KIAA0930: variants seen among roughly 807,000 people sequenced by gnomAD.
The protein encoded by KIAA0930 is KIAA0930.
A neutral mutation model predicts 43.9 loss-of-function variants in KIAA0930; 24 were observed. The observed-to-expected ratio is 0.55, with a 90% confidence interval of 0.40 to 0.77. The LOEUF (loss-of-function observed/expected upper bound fraction) is 0.77. Among genes scored for constraint, KIAA0930 ranks in the 30% least tolerant of loss-of-function variants. KIAA0930 has a pLI of 0.00. For synonymous variants in KIAA0930, 259 were observed against 216.4 expected (o/e 1.20, Z -1.73); for missense variants, 461 against 574.2 (o/e 0.80, Z 2.02).
chr22:45,204,954 T>C (rs2147740607), intron 5 of KIAA0930, among the ~76,000 whole-genome samples: 1 of 152,208 alleles, frequency 6.6e-6, no homozygotes, highest in Non-Finnish European at 1.5e-5. Flanking sequence ...TCAGGAGCCT[T>C]TTAGTCTTCA....
chr22:45,231,469 G>C (rs1476836843), intron 1 of KIAA0930, among the ~76,000 whole-genome samples: 1 of 152,102 alleles, frequency 6.6e-6, no homozygotes, highest in Admixed American at 6.5e-5. Flanking sequence ...CGATGTGTGT[G>C]AACAGGATAC....
intron 1 of KIAA0930, among the ~76,000 whole-genome samples, chr22:45,219,067 T>C (rs768144060): frequency 6.6e-6 from 1 of 152,198 alleles, no homozygotes; most frequent in South Asian, 2.1e-4. Context: ...TTTCGAGGCA[T>C]TTCACGTGAA....
intron 1 of KIAA0930, among the ~76,000 whole-genome samples, chr22:45,224,311 TAA>T (rs1223424052): frequency 6.6e-6 from 1 of 152,054 alleles, no homozygotes; most frequent in Non-Finnish European, 1.5e-5. Context: ...ATCCCGCAAA[TAA>T]AACAAAGACA....
chr22:45,225,901 G>A (rs939355107), intron 1 of KIAA0930, among the ~76,000 whole-genome samples: 3 of 152,244 alleles, frequency 2.0e-5, no homozygotes, highest in Admixed American at 6.5e-5. Flanking sequence ...CCGAGCGCCT[G>A]GTCTGCAGTC....
At chr22:45,213,560 C>T (rs2083712821) in intron 1 of KIAA0930, 2 of 1,101,750 alleles carry the variant, frequency 1.8e-6, no homozygotes, top group Admixed American at 3.8e-5. Flanking sequence ...ACAGGCAAAG[C>T]CCAAGTCACG....
chr22:45,205,302 G>T lies in KIAA0930; in HGVS notation c.431C>A (p.Pro144His). The T allele has an allele frequency of 6.2e-7, 1 of 1,613,976 alleles. No individual in the cohort carries two copies. The change falls in exon 5 of 10, where the codon CCC becomes CAC. Residue 144 changes from proline to histidine, a missense_variant. Pro to His is a moderately conservative substitution (Grantham distance 77). Transcript: ENST00000336156. ...KKKSQQVFAS[P>H]SKHPMDSKGE... The stretch of plus-strand genomic sequence containing the variant: ...CTTGCTGTCCATGGGGTGTTTACTG[G>T]GGGACGCGAACACTTGCTGGAAGAA...
chr22:45,197,549 T>C (rs1412714529), intron 9 of KIAA0930, among the ~76,000 whole-genome samples: 1 of 152,116 alleles, frequency 6.6e-6, no homozygotes, highest in Non-Finnish European at 1.5e-5. Context: ...TGGGCATCTG[T>C]GGCCACTCAA....
chr22:45,203,927 C>T lies in KIAA0930; in HGVS notation c.575G>A (p.Ser192Asn), dbSNP rs138154810. ...GEMVCVELVA[S>N]DKTNTFQGVI... ...CCCCTGGAACGTGTTGGTTTTGTCA[C>T]TAGCCACCAGCTCCACACAGACCAT... The change falls in exon 6 of 10, where the codon AGT becomes AAT. Residue 192 changes from serine to asparagine, a missense_variant. Coordinates refer to ENST00000336156, the MANE Select transcript of KIAA0930 (RefSeq NM_001009880.2). The T allele has an allele frequency of 3.4e-5, 55 of 1,614,136 alleles. No homozygotes were observed. Among genetic ancestry groups the T allele is most frequent in the Non-Finnish European group, 4.7e-5 (55 of 1,179,986 alleles).
intron 1 of KIAA0930, 65 bp downstream of exon 1, chr22:45,240,575 G>A (rs2083910762): frequency 2.6e-6 from 3 of 1,140,466 alleles, no homozygotes; most frequent in Non-Finnish European, 3.8e-6. Context: ...AAACACGGAC[G>A]CGCAGAGGCG....
At chr22:45,231,419 T>A (rs1225435655) in intron 1 of KIAA0930, among the ~76,000 whole-genome samples, 3 of 150,862 alleles carry the variant, frequency 2.0e-5, no homozygotes, top group African/African-American at 7.3e-5. Context: ...ACATTGGCAG[T>A]GGGGCCTGAA....
chr22:45,208,172 C>A (rs898073564), intron 2 of KIAA0930, among the ~76,000 whole-genome samples: 1 of 152,200 alleles, frequency 6.6e-6, no homozygotes, highest in Non-Finnish European at 1.5e-5. Context: ...ATGGTACACT[C>A]TGCAGGCATT....
intron 1 of KIAA0930, among the ~76,000 whole-genome samples, chr22:45,219,940 A>C (rs1486056461): frequency 2.6e-5 from 4 of 152,150 alleles, no homozygotes; most frequent in Non-Finnish European, 5.9e-5. Flanking sequence ...GGAAACAGAC[A>C]GCTAGCTTCA....
intron 1 of KIAA0930, among the ~76,000 whole-genome samples, chr22:45,221,109 G>T (rs1476511110): frequency 6.6e-6 from 1 of 152,124 alleles, no homozygotes; most frequent in African/African-American, 2.4e-5. Context: ...TCTCAGACAG[G>T]CCTTCTCAAA....
chr22:45,215,428 G>C (rs959418795), intron 1 of KIAA0930, among the ~76,000 whole-genome samples: 2 of 152,148 alleles, frequency 1.3e-5, no homozygotes, highest in South Asian at 2.1e-4. Context: ...GCATCTACCT[G>C]ACGGCAGAGT....
intron 1 of KIAA0930, among the ~76,000 whole-genome samples, chr22:45,220,489 A>C (rs867971477): frequency 6.6e-6 from 1 of 152,152 alleles, no homozygotes; most frequent in Non-Finnish European, 1.5e-5. Context: ...ATATATTCAT[A>C]TCTATTTAGA....
chr22:45,216,573 G>T (rs1377301666), intron 1 of KIAA0930, among the ~76,000 whole-genome samples: 1 of 152,156 alleles, frequency 6.6e-6, no homozygotes, highest in East Asian at 1.9e-4. Flanking sequence ...GCTGGCCTGT[G>T]AAGTCACTGC....
rs1429847721 is a variant in KIAA0930, at chr22:45,213,475, G to A, written c.65-1368C>T. 1.5e-5 allele frequency: 18 copies of A among 1,215,092 alleles called. No individual in the cohort carries two copies. The Admixed American group carries it at 5.6e-4, about 38-fold the overall frequency. The allele number at this position is 1,215,092 out of a possible 1,614,324, so 75.3% of individuals were successfully genotyped here. A position where few individuals can be genotyped will look rare whatever the true frequency, so the allele number is the denominator to read the frequency against. ...CCACGGGACTGGCAAGACCTCCCAG[G>A]CTCACAGGACCCGGGGGAACGAAAC... On this transcript the variant is annotated intron_variant, in intron 1 of 9. Transcript: ENST00000336156.
chr22:45,229,868 T>G (rs570004767), intron 1 of KIAA0930, among the ~76,000 whole-genome samples: 1 of 152,060 alleles, frequency 6.6e-6, no homozygotes, highest in African/African-American at 2.4e-5. Context: ...CCAAGGCGGG[T>G]GGATCACCTG....
At chr22:45,231,254 C>G (rs536477092) in intron 1 of KIAA0930, among the ~76,000 whole-genome samples, 1 of 150,896 alleles carries the variant, frequency 6.6e-6, no homozygotes, top group Non-Finnish European at 1.5e-5. Context: ...AGAAAATACA[C>G]AGGTTGAGCC....
Sources: gnomAD v4.1 joint callset for allele counts (sites outside exome capture counted in the v4.1 genomes callset) on GRCh38, gnomAD v4.1.1 for gene constraint, MANE v1.5 for transcripts, NCBI Gene and HGNC (gene_info 2026-07-23, HGNC 2026-07-21) for gene names.